The following TRPM4 variants were observed in gnomAD, a reference collection of about 807,000 sequenced individuals.
TRPM4 encodes the protein calcium-activated non-selective cation channel 1.
TRPM4 carries 124 observed loss-of-function variants against 135.6 expected under a neutral mutation model. That is an observed-to-expected ratio of 0.91 (90% CI 0.79 to 1.06). The LOEUF is 1.06. Among genes scored for constraint, TRPM4 ranks in the 50% least tolerant of loss-of-function variants. The probability of loss-of-function intolerance (pLI) is 0.00; values close to 1 mark genes in which losing one functional copy is unlikely to be tolerated. For synonymous variants in TRPM4, 745 were observed against 705.6 expected (o/e 1.06, Z -0.88); for missense variants, 1,658 against 1,671.4 (o/e 0.99, Z 0.14).
At chr19:49,183,343 T>C in intron 12 of TRPM4, 131 bp downstream of exon 12, 1 of 1,084,268 alleles carries the variant, frequency 9.2e-7, no homozygotes, top group East Asian at 2.5e-5. Context: ...CCGTCGCTGA[T>C]ATATGCCTCC....
At chr19:49,206,513 CA>C (rs1969159465) in intron 20 of TRPM4, among the ~76,000 whole-genome samples, 1 of 150,938 alleles carries the variant, frequency 6.6e-6, no homozygotes, top group South Asian at 2.1e-4. Context: ...GATCTCAGCT[CA>C]CCACAACCTC....
chr19:49,166,957 C>T (rs1967215616), intron 3 of TRPM4, among the ~76,000 whole-genome samples: 1 of 147,472 alleles, frequency 6.8e-6, no homozygotes, highest in Admixed American at 6.7e-5. Context: ...TCTGTTTCCC[C>T]TTTTCTCTGG....
intron 16 of TRPM4, among the ~76,000 whole-genome samples, chr19:49,191,229 G>A (rs756079533): frequency 5.3e-5 from 8 of 151,540 alleles, no homozygotes; most frequent in Admixed American, 2.0e-4. Flanking sequence ...TTTTTGATAC[G>A]GAGTCTCCCT....
chr19:49,175,797 C>T (rs1194953917), intron 9 of TRPM4, among the ~76,000 whole-genome samples: 2 of 149,542 alleles, frequency 1.3e-5, no homozygotes, highest in African/African-American at 4.9e-5. Context: ...AGTAGTTGGG[C>T]TCTCTATTTT....
intron 9 of TRPM4, 30 bp from the exon 10 acceptor site, chr19:49,181,319 T>A (rs1967910625): frequency 1.3e-6 from 2 of 1,543,084 alleles, no homozygotes; most frequent in African/African-American, 2.7e-5. Context: ...TCCCCTGACT[T>A]CTTGTCCCCT....
At chr19:49,174,837 C>G (rs1489905912) in intron 9 of TRPM4, among the ~76,000 whole-genome samples, 1 of 150,352 alleles carries the variant, frequency 6.7e-6, no homozygotes, top group African/African-American at 2.4e-5. Flanking sequence ...ACGAGTGGGA[C>G]AGATAAGTAT....
At position 49,171,236 on chromosome 19, in the gene TRPM4, G is replaced by C; in HGVS notation, c.797-121G>C. ...AAAAAAGAAATGACAATTCCAATGA[G>C]CCTCTGAACAGAAGATTAGGACAAG... is the stretch of plus-strand genomic sequence containing the variant. On this transcript the variant is annotated intron_variant, in intron 6 of 24. Coordinates refer to ENST00000252826, the MANE Select transcript of TRPM4 (RefSeq NM_017636.4). This position sits in a 1 kb window ranked among gnomAD's most constrained non-coding sequence, Gnocchi z 4.7. 2 of 1,014,804 alleles carry C rather than the reference G, an allele frequency of 2.0e-6. No individual in the cohort carries two copies. Among genetic ancestry groups the C allele is most frequent in the Non-Finnish European group, 3.1e-6 (2 of 641,600 alleles). The allele number at this position is 1,014,804 out of a possible 1,614,324, so 62.9% of individuals were successfully genotyped here.
chr19:49,158,626 C>G lies in TRPM4; in HGVS notation c.92+367C>G, dbSNP rs145946313. ...TTCATTCATTCATTCATTCATCCAT[C>G]CATGCAAGAAACCCTCACTCAGCGC... On this transcript the variant is annotated intron_variant, in intron 2 of 24. Transcript: ENST00000252826. 45 of 250,482 alleles carry G rather than the reference C, an allele frequency of 1.8e-4. No homozygotes were observed. In the East Asian group the frequency reaches 4.5e-3, roughly 25 times the overall value. The allele number at this position is 250,482 out of a possible 1,614,324, so 15.5% of individuals were successfully genotyped here.
chr19:49,200,349 T>TTCA lies in TRPM4; in HGVS notation c.2697_2699dup (p.Phe899_Met900insIle). On this transcript the variant is annotated inframe_insertion, in exon 18 of 25. Transcript: ENST00000252826. ...GGGCCGCACTGTCCTCTGCATCGAC[T>TTCA]TCATGGTTTTCACGGTGCGGCTGCT... 2 of 1,614,062 alleles carry TTCA rather than the reference T, an allele frequency of 1.2e-6. No homozygotes were observed. The highest frequency in any genetic ancestry group is 8.5e-7 in the Non-Finnish European group (1 of 1,180,008).
intron 16 of TRPM4, 84 bp from the exon 17 acceptor site, chr19:49,196,356 C>G (rs1568484120): frequency 7.5e-7 from 1 of 1,340,398 alleles, no homozygotes. Flanking sequence ...TGAGATGTGC[C>G]AAGCCAAAAG....
Position 49,177,421 on chromosome 19 carries a change from G to A in TRPM4, c.1151-3928G>A, listed in dbSNP as rs147770744. Reference sequence around the variant, plus strand: ...GTGATCTCAGCTCACTGCAACCCCCGGGTTCAAGCGATTGTCCTGCCTCAG... The same window carrying A: ...GTGATCTCAGCTCACTGCAACCCCCAGGTTCAAGCGATTGTCCTGCCTCAG... On this transcript the variant is annotated intron_variant, in intron 9 of 24. Coordinates refer to ENST00000252826, the MANE Select transcript of TRPM4 (RefSeq NM_017636.4). Among the ~76,000 whole-genome samples, 951 of 147,746 alleles carry A rather than the reference G, an allele frequency of 6.4e-3. 14 individuals are homozygous for A. The highest frequency in any genetic ancestry group is 0.029 in the Middle Eastern group (8 of 272).
At chr19:49,161,924 C>T (rs571331825) in intron 2 of TRPM4, among the ~76,000 whole-genome samples, 1 of 152,318 alleles carries the variant, frequency 6.6e-6, no homozygotes, top group African/African-American at 2.4e-5. Context: ...GCCACTGCTC[C>T]TGGCCCTGGC....
chr19:49,210,101 T>A lies in TRPM4; in HGVS notation c.3132-108T>A. The stretch of plus-strand genomic sequence containing the variant: ...AACCTCTGACTTTAGTGATCTTGAC[T>A]TCTGTCTGCTGCTATAGACTGAACA... On this transcript the variant is annotated intron_variant, in intron 20 of 24. Transcript: ENST00000252826. This position sits in a 1 kb window ranked among gnomAD's most constrained non-coding sequence, Gnocchi z 4.1. 2 of 1,196,670 alleles carry A rather than the reference T, an allele frequency of 1.7e-6. No homozygotes were observed. The highest frequency in any genetic ancestry group is 2.5e-6 in the Non-Finnish European group (2 of 800,894). 74.1% of individuals were successfully genotyped at this position (1,196,670 alleles called of 1,614,324 possible). A position where few individuals can be genotyped will look rare whatever the true frequency, so the allele number is the denominator to read the frequency against.
intron 14 of TRPM4, 47 bp downstream of exon 14, chr19:49,189,138 C>T: frequency 5.6e-6 from 9 of 1,612,856 alleles, no homozygotes; most frequent in Non-Finnish European, 7.6e-6. Flanking sequence ...CAAGTGGACT[C>T]TGGGAAGTAT....
chr19:49,159,073 C>G (rs2041584248), intron 2 of TRPM4: 1 of 147,316 alleles, frequency 6.8e-6, no homozygotes, highest in African/African-American at 2.5e-5. Context: ...GCTCTGTCCC[C>G]CAGGCTGGAG....
Position 49,167,996 on chromosome 19 carries a change from A to G in TRPM4, c.347A>G (p.Asn116Ser). ...CGCACATGGGGCTTCCGTGCCCCGA[A>G]CCTGGTGGTGTCAGTGCTGGGGGGA... ...VTRTWGFRAP[N>S]LVVSVLGGSG... Residue 116 changes from asparagine to serine, a missense_variant, in exon 4 of 25, where the codon AAC becomes AGC. This residue lies in a region of TRPM4 where 239 missense variants were observed against 240.1 expected (regional missense o/e 1.00). Coordinates refer to ENST00000252826, the MANE Select transcript of TRPM4 (RefSeq NM_017636.4). 1.2e-6 allele frequency: 2 copies of G among 1,613,856 alleles called. No individual in the cohort carries two copies. Among genetic ancestry groups the G allele is most frequent in the Non-Finnish European group, 1.7e-6 (2 of 1,179,978 alleles).
At chr19:49,182,370 A>G (rs1028031381) in intron 10 of TRPM4, among the ~76,000 whole-genome samples, 1 of 146,408 alleles carries the variant, frequency 6.8e-6, no homozygotes, top group Non-Finnish European at 1.5e-5. Flanking sequence ...CCATCCATCC[A>G]TCCATCCATC....
chr19:49,200,969 C>T (rs1968908429), intron 19 of TRPM4, among the ~76,000 whole-genome samples, 184 bp downstream of exon 19: 1 of 151,966 alleles, frequency 6.6e-6, no homozygotes, highest in Non-Finnish European at 1.5e-5. Context: ...CTACCCCACC[C>T]CCTCTGTCTT....
At chr19:49,182,323 T>C (rs1858958201) in intron 10 of TRPM4, among the ~76,000 whole-genome samples, 2 of 150,388 alleles carry the variant, frequency 1.3e-5, no homozygotes, top group Non-Finnish European at 3.0e-5. Flanking sequence ...TGTCCATCCA[T>C]CCATCCCTCT....
Sources: gnomAD v4.1 joint callset for allele counts (sites outside exome capture counted in the v4.1 genomes callset) on GRCh38, gnomAD v4.1.1 for gene constraint, gnomAD v4.1.1 regional missense constraint, Gnocchi (gnomAD v3.1) non-coding constraint, MANE v1.5 for transcripts, NCBI Gene and HGNC (gene_info 2026-07-23, HGNC 2026-07-21) for gene names.